Variants in C1QTNF7 observed in about 807,000 individuals in gnomAD.
C1QTNF7 encodes C1q and TNF related 7.
In C1QTNF7, 15 loss-of-function variants were observed where a neutral mutation model predicts 19.6. The observed-to-expected ratio is 0.76, with a 90% confidence interval of 0.51 to 1.18. The LOEUF (loss-of-function observed/expected upper bound fraction) is 1.18, where lower values mean the gene tolerates loss of function less well. Ranked by LOEUF, C1QTNF7 falls within the 50% of genes most tolerant of loss-of-function variation. The pLI is 0.00. For missense variants in C1QTNF7, 324 were observed against 359.7 expected, an observed-to-expected ratio of 0.90 and a Z score of 0.80; for synonymous variants, 142 against 137.5, an observed-to-expected ratio of 1.03 and a Z score of -0.23.
At chr4:15,387,191 G>T (rs1417967026) in intron 1 of C1QTNF7, among the ~76,000 whole-genome samples, 1 of 152,204 alleles carries the variant, frequency 6.6e-6, no homozygotes, top group Non-Finnish European at 1.5e-5. Context: ...GCATCCGAAA[G>T]AATTTGCTAC....
intron 1 of C1QTNF7, among the ~76,000 whole-genome samples, chr4:15,418,982 G>A (rs1463623560): frequency 6.6e-6 from 1 of 152,158 alleles, no homozygotes; most frequent in African/African-American, 2.4e-5. Context: ...AACAAGCTTT[G>A]ACGTTCTCTT....
At chr4:15,414,414 A>G (rs1476887554) in intron 1 of C1QTNF7, among the ~76,000 whole-genome samples, 2 of 152,200 alleles carry the variant, frequency 1.3e-5, no homozygotes, top group South Asian at 2.1e-4. Context: ...TACACACACT[A>G]TAACCTAAGC....
At chr4:15,401,977 GA>G (rs1719011814) in intron 1 of C1QTNF7, among the ~76,000 whole-genome samples, 1 of 152,076 alleles carries the variant, frequency 6.6e-6, no homozygotes, top group Non-Finnish European at 1.5e-5. Context: ...AAAGGAACAG[GA>G]AAAAACTTAA....
intron 1 of C1QTNF7, among the ~76,000 whole-genome samples, chr4:15,367,230 A>G (rs961631056): frequency 6.6e-6 from 1 of 152,188 alleles, no homozygotes; most frequent in Non-Finnish European, 1.5e-5. Context: ...ATTCGGGAAA[A>G]TAGAGTCTTC....
chr4:15,360,170 T>A (rs16891775), intron 1 of C1QTNF7, among the ~76,000 whole-genome samples: 6 of 152,036 alleles, frequency 3.9e-5, no homozygotes, highest in Non-Finnish European at 8.8e-5. Flanking sequence ...TAGCCAGGGC[T>A]TTGGGATTAG....
intron 1 of C1QTNF7, among the ~76,000 whole-genome samples, chr4:15,384,536 C>T (rs545318069): frequency 6.6e-6 from 1 of 152,298 alleles, no homozygotes; most frequent in Non-Finnish European, 1.5e-5. Context: ...TCTATGACCC[C>T]TGAGTCTAGA....
chr4:15,345,057 A>C (rs1387194123), intron 1 of C1QTNF7, among the ~76,000 whole-genome samples: 1 of 152,214 alleles, frequency 6.6e-6, no homozygotes, highest in East Asian at 1.9e-4. Flanking sequence ...CAACTATAGC[A>C]AGTCTGAATC....
chr4:15,406,483 G>A (rs61480300), intron 1 of C1QTNF7, among the ~76,000 whole-genome samples: 5 of 152,124 alleles, frequency 3.3e-5, no homozygotes, highest in Admixed American at 2.6e-4. Context: ...AGGAAGACAC[G>A]CATACACAAA....
intron 1 of C1QTNF7, chr4:15,362,636 C>T (rs143635391): frequency 1.3e-5 from 2 of 152,086 alleles, no homozygotes; most frequent in African/African-American, 4.8e-5. Flanking sequence ...TGGCTGGCAC[C>T]TCTGTTTGTA....
At chr4:15,355,148 C>T (rs1462401935) in intron 1 of C1QTNF7, among the ~76,000 whole-genome samples, 1 of 152,128 alleles carries the variant, frequency 6.6e-6, no homozygotes, top group Non-Finnish European at 1.5e-5. Flanking sequence ...TCTGAGGAAA[C>T]AGCACATGAC....
intron 1 of C1QTNF7, among the ~76,000 whole-genome samples, chr4:15,377,703 C>G (rs886378649): frequency 6.6e-6 from 1 of 152,122 alleles, no homozygotes; most frequent in Non-Finnish European, 1.5e-5. Flanking sequence ...GAGCAGGAAG[C>G]ATTGAACACT....
chr4:15,384,619 G>A (rs1718264061), intron 1 of C1QTNF7, among the ~76,000 whole-genome samples: 1 of 152,180 alleles, frequency 6.6e-6, no homozygotes. Flanking sequence ...TTTCTGTTCA[G>A]TGTTATAGAA....
At chr4:15,424,639 T>C (rs914606810), upstream of C1QTNF7, among the ~76,000 whole-genome samples, 1 of 152,034 alleles carries the variant, frequency 6.6e-6, no homozygotes, top group Admixed American at 6.6e-5. Flanking sequence ...TCTTGGGGAG[T>C]GCATATATTC....
intron 1 of C1QTNF7, among the ~76,000 whole-genome samples, chr4:15,404,980 CA>C (rs1329108617): frequency 1.3e-5 from 2 of 152,110 alleles, no homozygotes; most frequent in Non-Finnish European, 1.5e-5. Context: ...CATAATATTC[CA>C]TGGAATTAAT....
intron 1 of C1QTNF7, among the ~76,000 whole-genome samples, chr4:15,384,908 A>G (rs891916658): frequency 6.6e-6 from 1 of 152,156 alleles, no homozygotes; most frequent in African/African-American, 2.4e-5. Context: ...CACCAGCACC[A>G]TAGCAGGGAG....
At chr4:15,350,881 T>G (rs10003717) in intron 1 of C1QTNF7, among the ~76,000 whole-genome samples, 71,833 of 152,026 alleles carry the variant, frequency 0.47, 18,224 homozygotes, top group African/African-American at 0.65. Flanking sequence ...GGTAAGATTT[T>G]TGAAGTAATT....
At chr4:15,394,836 T>G (rs1222681607) in intron 1 of C1QTNF7, among the ~76,000 whole-genome samples, 2 of 151,772 alleles carry the variant, frequency 1.3e-5, no homozygotes, top group Non-Finnish European at 2.9e-5. Context: ...CATCCCCAAG[T>G]GCCTTAGGAT....
At chr4:15,389,651 T>C (rs560355733) in intron 1 of C1QTNF7, among the ~76,000 whole-genome samples, 1 of 152,234 alleles carries the variant, frequency 6.6e-6, no homozygotes, top group Non-Finnish European at 1.5e-5. Flanking sequence ...ACTCCTGACC[T>C]CACGTGATCC....
chr4:15,413,120 T>G (rs982111203), intron 1 of C1QTNF7, among the ~76,000 whole-genome samples: 1 of 152,206 alleles, frequency 6.6e-6, no homozygotes, highest in African/African-American at 2.4e-5. Flanking sequence ...TTGATCAAAA[T>G]GAACAGCATA....
Sources: gnomAD v4.1 joint callset for allele counts (sites outside exome capture counted in the v4.1 genomes callset) on GRCh38, gnomAD v4.1.1 for gene constraint, MANE v1.5 for transcripts, NCBI Gene and HGNC (gene_info 2026-07-23, HGNC 2026-07-21) for gene names.